The following KLHL29 variants were observed in gnomAD, a reference collection of about 807,000 sequenced individuals.
KLHL29 encodes the protein kelch like family member 29.
Under a neutral mutation model 80.4 loss-of-function variants are expected in KLHL29, and 21 were observed. The observed-to-expected ratio is 0.26, with a 90% CI of 0.19 to 0.38. KLHL29 has a LOEUF of 0.38. Among genes scored for constraint, KLHL29 ranks in the 10% least tolerant of loss-of-function variants. KLHL29 has a pLI of 1.00. For synonymous variants in KLHL29, 511 were observed against 526.8 expected (o/e 0.97, Z 0.41); for missense variants, 867 against 1,223.9 (o/e 0.71, Z 4.35).
At chr2:23,573,834 T>C (rs566930718) in intron 3 of KLHL29, among the ~76,000 whole-genome samples, 2 of 152,310 alleles carry the variant, frequency 1.3e-5, no homozygotes, top group African/African-American at 4.8e-5. Context: ...TCTCTTTCTT[T>C]CTGAGGGTTT....
At chr2:23,654,434 G>A (rs1670175957) in intron 5 of KLHL29, among the ~76,000 whole-genome samples, 1 of 152,190 alleles carries the variant, frequency 6.6e-6, no homozygotes, top group Non-Finnish European at 1.5e-5. Context: ...GCAGGTTTCA[G>A]GAATTGATTG....
intron 3 of KLHL29, among the ~76,000 whole-genome samples, chr2:23,618,412 C>T (rs1016816838): frequency 1.3e-5 from 2 of 152,162 alleles, no homozygotes; most frequent in Admixed American, 6.5e-5. Context: ...AGCTCGCCCT[C>T]CCCAATGTGG....
At chr2:23,650,975 G>A (rs915427709) in intron 5 of KLHL29, among the ~76,000 whole-genome samples, 1 of 144,310 alleles carries the variant, frequency 6.9e-6, no homozygotes, top group African/African-American at 2.9e-5. Flanking sequence ...AGAAAATGTG[G>A]CACAAAACTG....
At chr2:23,426,383 C>G (rs1663004861) in intron 1 of KLHL29, among the ~76,000 whole-genome samples, 1 of 152,210 alleles carries the variant, frequency 6.6e-6, no homozygotes, top group South Asian at 2.1e-4. Context: ...AAGTGACTTC[C>G]CGGCGGCCAC....
intron 5 of KLHL29, among the ~76,000 whole-genome samples, chr2:23,671,683 C>T (rs1391282050): frequency 6.6e-6 from 1 of 152,166 alleles, no homozygotes; most frequent in Non-Finnish European, 1.5e-5. Flanking sequence ...AACAGCTGTC[C>T]ACCCAGCTCC....
chr2:23,514,249 A>G (rs1665859174), intron 2 of KLHL29, among the ~76,000 whole-genome samples: 1 of 152,132 alleles, frequency 6.6e-6, no homozygotes, highest in Non-Finnish European at 1.5e-5. Context: ...TTTTCATCTG[A>G]GGAGCTGGGC....
At chr2:23,598,644 C>T (rs1350519416) in intron 3 of KLHL29, among the ~76,000 whole-genome samples, 1 of 152,244 alleles carries the variant, frequency 6.6e-6, no homozygotes, top group Non-Finnish European at 1.5e-5. Context: ...GCAGAGAAGA[C>T]TTCCAGGCTG....
chr2:23,642,355 A>C lies in KLHL29; in HGVS notation c.445A>C (p.Thr149Pro), dbSNP rs1229471777. 7.0e-7 allele frequency: 1 copy of C among 1,434,442 alleles called. No homozygotes were observed. Among genetic ancestry groups the C allele is most frequent in the African/African-American group, 1.4e-5 (1 of 69,470 alleles). 88.9% of individuals were successfully genotyped at this position (1,434,442 alleles called of 1,614,324 possible). A position where few individuals can be genotyped will look rare whatever the true frequency, so the allele number is the denominator to read the frequency against. ...CCTTGCAGGCACAGGGCCATGGGTG[A>C]CCACGGTGGCCGCCGGGAACCAGCC... ...SDNPGTGPWVTTVAAGNQPTL... is the reference protein window; with the variant it reads ...SDNPGTGPWVPTVAAGNQPTL... Residue 149 changes from threonine (T) to proline (P), a missense_variant, in exon 5 of 14, where the codon ACC becomes CCC. Physicochemically the swap from Thr to Pro is conservative, Grantham distance 38. This residue lies in a region of KLHL29 where 424 missense variants were observed against 456.9 expected (regional missense o/e 0.93). Transcript: ENST00000486442.
At chr2:23,616,112 G>A (rs1189320096) in intron 3 of KLHL29, among the ~76,000 whole-genome samples, 1 of 152,166 alleles carries the variant, frequency 6.6e-6, no homozygotes, top group Non-Finnish European at 1.5e-5. Flanking sequence ...ATTGGCCACT[G>A]AGCCAGGTCT....
intron 2 of KLHL29, among the ~76,000 whole-genome samples, chr2:23,477,509 G>C (rs1358325176): frequency 6.6e-6 from 1 of 152,254 alleles, no homozygotes; most frequent in Non-Finnish European, 1.5e-5. Flanking sequence ...CCCACCCTGT[G>C]ACCCCACAGT....
At chr2:23,529,740 C>A (rs1349639134) in intron 2 of KLHL29, among the ~76,000 whole-genome samples, 1 of 152,224 alleles carries the variant, frequency 6.6e-6, no homozygotes, top group Admixed American at 6.5e-5. Context: ...CTAGCTTAGA[C>A]CAGCCTCCAC....
chr2:23,642,272 G>A, intron 4 of KLHL29, 66 bp from the exon 5 acceptor site: 1 of 1,360,982 alleles, frequency 7.3e-7, no homozygotes, highest in East Asian at 2.7e-5. Flanking sequence ...GCAGGGCCGG[G>A]GATGGTCAGT....
intron 2 of KLHL29, among the ~76,000 whole-genome samples, chr2:23,547,616 G>C (rs1053554465): frequency 2.0e-5 from 3 of 152,096 alleles, no homozygotes; most frequent in South Asian, 4.2e-4. Flanking sequence ...AGTTGTGACA[G>C]CAGCAGTAGT....
At chr2:23,527,965 C>T (rs960058286) in intron 2 of KLHL29, among the ~76,000 whole-genome samples, 1 of 152,230 alleles carries the variant, frequency 6.6e-6, no homozygotes, top group African/African-American at 2.4e-5. Context: ...CACCACCACC[C>T]CTCTGGGACC....
chr2:23,480,865 G>A (rs1003463392), intron 2 of KLHL29, among the ~76,000 whole-genome samples: 11 of 152,234 alleles, frequency 7.2e-5, no homozygotes, highest in African/African-American at 2.2e-4. Flanking sequence ...GTGCACCCTC[G>A]TTTAGGATTC....
chr2:23,468,501 C>G (rs1664410519), intron 1 of KLHL29, among the ~76,000 whole-genome samples: 1 of 152,196 alleles, frequency 6.6e-6, no homozygotes, highest in Non-Finnish European at 1.5e-5. Context: ...TTAAAGCTAT[C>G]AAGAGGCCAT....
rs185068728 is a variant in KLHL29 at position 23,648,472 on chromosome 2, G to A, written c.940+5622G>A. Among the ~76,000 whole-genome samples the A allele has an allele frequency of 2.0e-4, 30 of 152,048 alleles. No individual in the cohort carries two copies. In the East Asian group the frequency reaches 3.9e-3, roughly 20 times the overall value. On this transcript the variant is annotated intron_variant, in intron 5 of 13. Coordinates refer to ENST00000486442, the MANE Select transcript of KLHL29 (RefSeq NM_052920.2). ...ATTTGAAACACCTAGCTCCCAGGGC[G>A]TCCACCGTGAACAGAAGAAAATCCC...
intron 2 of KLHL29, among the ~76,000 whole-genome samples, chr2:23,552,305 G>GTGA (rs1320234239): frequency 6.6e-6 from 1 of 152,242 alleles, no homozygotes; most frequent in African/African-American, 2.4e-5. Context: ...GGCATTGATA[G>GTGA]TGATGATGGT....
intron 3 of KLHL29, among the ~76,000 whole-genome samples, chr2:23,590,083 CA>C (rs1036577980): frequency 4.6e-5 from 7 of 152,244 alleles, no homozygotes; most frequent in Non-Finnish European, 7.3e-5. Flanking sequence ...ACTTTACAGA[CA>C]AAAGCAGAGG....
Sources: allele counts gnomAD v4.1 joint callset (sites outside exome capture counted in the v4.1 genomes callset), GRCh38; gene constraint gnomAD v4.1.1; regional missense constraint gnomAD v4.1.1; transcripts MANE v1.5; gene names NCBI Gene and HGNC (gene_info 2026-07-23, HGNC 2026-07-21).